The following LRRTM4 variants were observed in gnomAD, a reference collection of about 807,000 sequenced individuals.
LRRTM4 encodes the protein leucine rich repeat transmembrane neuronal 4.
In LRRTM4, 25 loss-of-function variants were observed where a neutral mutation model predicts 47.6. The observed-to-expected ratio is 0.53, with a 90% CI of 0.38 to 0.73. LRRTM4 has a LOEUF of 0.73. Ranked by LOEUF, LRRTM4 falls within the 30% of genes least tolerant of loss-of-function variation. The pLI is 0.00. For synonymous variants in LRRTM4, 311 were observed against 269.5 expected (o/e 1.15, Z -1.51); for missense variants, 638 against 713.4 (o/e 0.89, Z 1.20).
chr2:77,218,418 A>G (rs893440251), intron 3 of LRRTM4, among the ~76,000 whole-genome samples: 3 of 152,130 alleles, frequency 2.0e-5, no homozygotes, highest in Admixed American at 6.5e-5. Context: ...AAGAAACAAC[A>G]AGAGTAGAGA....
At chr2:77,161,313 C>G (rs1672722044) in intron 3 of LRRTM4, among the ~76,000 whole-genome samples, 1 of 152,142 alleles carries the variant, frequency 6.6e-6, no homozygotes, top group African/African-American at 2.4e-5. Flanking sequence ...TGTGACTCAC[C>G]TCCTTTCTCA....
At chr2:76,854,822 T>TC (rs1005823541) in intron 3 of LRRTM4, among the ~76,000 whole-genome samples, 1 of 151,802 alleles carries the variant, frequency 6.6e-6, no homozygotes, top group African/African-American at 2.4e-5. Context: ...CTTTTTTTTT[T>TC]TTTCACAGAG....
intron 3 of LRRTM4, among the ~76,000 whole-genome samples, chr2:77,120,265 A>G (rs112000696): frequency 9.3e-4 from 141 of 151,936 alleles, no homozygotes; most frequent in Non-Finnish European, 1.6e-3. Context: ...TATTCAACCA[A>G]CAGAAAATCT....
chr2:77,008,457 A>T (rs968466560), intron 3 of LRRTM4, among the ~76,000 whole-genome samples: 4 of 152,316 alleles, frequency 2.6e-5, no homozygotes, highest in Non-Finnish European at 2.9e-5. Context: ...AGCCAGCATA[A>T]CTGTAGATAG....
chr2:76,969,202 A>C (rs1676138844), intron 3 of LRRTM4, among the ~76,000 whole-genome samples: 1 of 152,004 alleles, frequency 6.6e-6, no homozygotes, highest in Non-Finnish European at 1.5e-5. Context: ...CAGATTGGTC[A>C]GGTTGCCCAA....
chr2:77,419,817 AC>A, intron 3 of LRRTM4, among the ~76,000 whole-genome samples: 1 of 152,158 alleles, frequency 6.6e-6, no homozygotes. Flanking sequence ...AAAAAAGAAA[AC>A]TAAGATTAAT....
chr2:77,340,975 G>C (rs1249677516), intron 3 of LRRTM4, among the ~76,000 whole-genome samples: 2 of 151,874 alleles, frequency 1.3e-5, no homozygotes, highest in African/African-American at 2.4e-5. Flanking sequence ...CTGATATAAA[G>C]CATTTGCAAT....
At chr2:77,445,099 T>A (rs936377040) in intron 3 of LRRTM4, among the ~76,000 whole-genome samples, 3 of 152,008 alleles carry the variant, frequency 2.0e-5, no homozygotes, top group African/African-American at 7.2e-5. Flanking sequence ...AAGCATCTTC[T>A]ATAAGGCAAT....
At chr2:77,480,082 G>C (rs1452361471) in intron 3 of LRRTM4, among the ~76,000 whole-genome samples, 1 of 152,132 alleles carries the variant, frequency 6.6e-6, no homozygotes, top group African/African-American at 2.4e-5. Flanking sequence ...CTCTGGGCCA[G>C]CCCAGCAGCA....
intron 3 of LRRTM4, among the ~76,000 whole-genome samples, chr2:77,153,273 T>C (rs1672477036): frequency 6.6e-6 from 1 of 152,156 alleles, no homozygotes; most frequent in Non-Finnish European, 1.5e-5. Flanking sequence ...CTGTGTTGTC[T>C]GTAGATGTGA....
chr2:76,854,748 A>G (rs948411030), intron 3 of LRRTM4, among the ~76,000 whole-genome samples: 9 of 151,994 alleles, frequency 5.9e-5, no homozygotes, highest in African/African-American at 1.9e-4. Flanking sequence ...AACATCTACT[A>G]TATGTCAGGA....
chr2:76,784,025 G>C (rs1674536747), intron 3 of LRRTM4, among the ~76,000 whole-genome samples: 3 of 152,084 alleles, frequency 2.0e-5, no homozygotes, highest in Non-Finnish European at 2.9e-5. Flanking sequence ...GTTTTATTGT[G>C]AAAGTGAGAA....
chr2:76,943,572 T>G (rs2103867974), intron 3 of LRRTM4, among the ~76,000 whole-genome samples: 2 of 152,344 alleles, frequency 1.3e-5, no homozygotes, highest in South Asian at 4.1e-4. Flanking sequence ...GTATATGGTC[T>G]CATTACAATT....
intron 3 of LRRTM4, among the ~76,000 whole-genome samples, chr2:76,836,159 TA>T (rs11361011): frequency 0.52 from 76,005 of 145,888 alleles, 20,778 homozygotes; most frequent in Non-Finnish European, 0.63. Context: ...TAGTATGCGG[TA>T]AAAAAAAAAA....
At chr2:77,093,896 C>T (rs989802993) in intron 3 of LRRTM4, among the ~76,000 whole-genome samples, 2 of 151,726 alleles carry the variant, frequency 1.3e-5, no homozygotes, top group African/African-American at 4.9e-5. Context: ...CAAAAAACAC[C>T]CCCACTGAGC....
chr2:77,122,631 A>G (rs1383769430), intron 3 of LRRTM4, among the ~76,000 whole-genome samples: 1 of 151,616 alleles, frequency 6.6e-6, no homozygotes, highest in East Asian at 1.9e-4. Flanking sequence ...TGTGGCTCAG[A>G]AAGTCTGATA....
Position 77,065,625 on chromosome 2 carries a change from G to A in LRRTM4, c.1552-316709C>T, listed in dbSNP as rs889345109. On this transcript the variant is annotated intron_variant, in intron 3 of 3. Coordinates refer to ENST00000409884, the MANE Select transcript of LRRTM4 (RefSeq NM_001134745.3). ...GAAATTTCATGTAATACTGAGAAAT[G>A]CCTGGGGCTGTGATTCAGGAGAAAT... 5.7e-4 allele frequency among the ~76,000 whole-genome samples: 87 copies of A among 152,222 alleles called. 1 individual carries two copies. Among genetic ancestry groups the A allele is most frequent in the African/African-American group, 2.0e-3 (85 of 41,522 alleles).
intron 3 of LRRTM4, among the ~76,000 whole-genome samples, chr2:77,345,658 G>T (rs1671533895): frequency 6.6e-6 from 1 of 152,050 alleles, no homozygotes; most frequent in East Asian, 1.9e-4. Context: ...TGACTTGCTG[G>T]TAAGAATTTC....
At chr2:76,822,629 CT>C (rs1671084221) in intron 3 of LRRTM4, among the ~76,000 whole-genome samples, 1 of 151,446 alleles carries the variant, frequency 6.6e-6, no homozygotes, top group Admixed American at 6.6e-5. Flanking sequence ...ATAAAATACG[CT>C]AACCAGAACT....
Sources: allele counts gnomAD v4.1 joint callset (sites outside exome capture counted in the v4.1 genomes callset), GRCh38; gene constraint gnomAD v4.1.1; transcripts MANE v1.5; gene names NCBI Gene and HGNC (gene_info 2026-07-23, HGNC 2026-07-21).